The following RAPGEF5 variants were observed in gnomAD, a reference collection of about 807,000 sequenced individuals.
RAPGEF5 encodes Rap guanine nucleotide exchange factor 5.
A neutral mutation model predicts 125.2 loss-of-function variants in RAPGEF5; 65 were observed. The ratio of observed to expected loss-of-function variants is 0.52; its 90% CI spans 0.43 to 0.64. The LOEUF is 0.64. Ranked by LOEUF, RAPGEF5 falls within the 30% of genes least tolerant of loss-of-function variation. The probability of loss-of-function intolerance (pLI) is 0.00; values close to 1 mark genes in which losing one functional copy is unlikely to be tolerated. For synonymous variants in RAPGEF5, 391 were observed against 385.9 expected, an observed-to-expected ratio of 1.01 and a Z score of -0.16; for missense variants, 958 against 1,048.1, an observed-to-expected ratio of 0.91 and a Z score of 1.19.
intron 11 of RAPGEF5, among the ~76,000 whole-genome samples, chr7:22,169,302 T>C (rs1784268374): frequency 6.6e-6 from 1 of 152,240 alleles, no homozygotes; most frequent in African/African-American, 2.4e-5. Flanking sequence ...CAAGTTAACC[T>C]GGCAGCTCAA....
intron 9 of RAPGEF5, among the ~76,000 whole-genome samples, 152 bp from the exon 10 acceptor site, chr7:22,194,185 T>C (rs1785092969): frequency 6.6e-6 from 1 of 152,156 alleles, no homozygotes; most frequent in South Asian, 2.1e-4. Flanking sequence ...AGGAGTCTGG[T>C]CAAAAATCTC....
intron 11 of RAPGEF5, among the ~76,000 whole-genome samples, chr7:22,183,250 CAG>C (rs1282296546): frequency 1.9e-5 from 2 of 104,464 alleles, no homozygotes; most frequent in Non-Finnish European, 3.4e-5. Flanking sequence ...GCCTGGGTAA[CAG>C]AGTGAGACTC....
At chr7:22,264,895 T>C (rs1782244766) in intron 7 of RAPGEF5, among the ~76,000 whole-genome samples, 1 of 152,228 alleles carries the variant, frequency 6.6e-6, no homozygotes, top group Admixed American at 6.5e-5. Context: ...GTACGGACTG[T>C]ACATTTGTCT....
At chr7:22,144,216 G>A (rs762452524) in intron 20 of RAPGEF5, among the ~76,000 whole-genome samples, 8 of 152,274 alleles carry the variant, frequency 5.3e-5, no homozygotes, top group Middle Eastern at 3.4e-3. Context: ...TCTGTACCAC[G>A]CACCCAGGTA....
intron 11 of RAPGEF5, among the ~76,000 whole-genome samples, chr7:22,184,045 T>C (rs188172410): frequency 2.0e-5 from 3 of 152,326 alleles, no homozygotes; most frequent in East Asian, 1.9e-4. Flanking sequence ...AGACTTCCAC[T>C]TGAACTTTCC....
intron 9 of RAPGEF5, among the ~76,000 whole-genome samples, chr7:22,208,406 T>A (rs939577959): frequency 2.6e-5 from 4 of 152,226 alleles, no homozygotes; most frequent in Admixed American, 2.6e-4. Flanking sequence ...TTCACTAGTA[T>A]AACTCTTTCT....
At chr7:22,271,219 G>T (rs1190620306) in intron 6 of RAPGEF5, among the ~76,000 whole-genome samples, 3 of 152,180 alleles carry the variant, frequency 2.0e-5, no homozygotes, top group Non-Finnish European at 4.4e-5. Flanking sequence ...AACTAAATCA[G>T]AATCTCGGGA....
At chr7:22,243,905 C>A (rs192133640) in intron 7 of RAPGEF5, among the ~76,000 whole-genome samples, 11 of 152,122 alleles carry the variant, frequency 7.2e-5, no homozygotes, top group Non-Finnish European at 1.6e-4. Flanking sequence ...AATTTTGTAC[C>A]CTTTGGTCAA....
intron 5 of RAPGEF5, among the ~76,000 whole-genome samples, chr7:22,295,474 C>A (rs1354625778): frequency 6.6e-6 from 1 of 152,096 alleles, no homozygotes; most frequent in Non-Finnish European, 1.5e-5. Context: ...GCCTAGATGT[C>A]CAATTTTTGC....
intron 9 of RAPGEF5, among the ~76,000 whole-genome samples, chr7:22,199,715 T>C (rs1444860231): frequency 6.6e-6 from 1 of 151,770 alleles, no homozygotes; most frequent in African/African-American, 2.4e-5. Flanking sequence ...GGAGGATAAA[T>C]AGCAGCAGAT....
chr7:22,228,625 GGCCTCCCA>G (rs1351199995), intron 8 of RAPGEF5, among the ~76,000 whole-genome samples: 2 of 151,358 alleles, frequency 1.3e-5, no homozygotes, highest in Admixed American at 1.3e-4. Context: ...CTCCTGCTTC[GGCCTCCCA>G]AGTAGCTGGG....
intron 21 of RAPGEF5, 180 bp downstream of exon 21, chr7:22,139,845 T>C (rs1783201087): frequency 1.8e-6 from 1 of 543,686 alleles, no homozygotes. Flanking sequence ...ACGTTACCAT[T>C]TTTATCTAGT....
In RAPGEF5 at chr7:22,153,604, T is replaced by C. The variant is rs184579949; in HGVS notation, c.1786+851A>G. On this transcript the variant is annotated intron_variant, in intron 17 of 25. Transcript: ENST00000665637. ...TACTTTACCCTCAAGTATATTCTGA[T>C]ATTCATCTCCCAACTGCAGAATGAT... is the stretch of plus-strand genomic sequence containing the variant. 6.8e-4 allele frequency among the ~76,000 whole-genome samples: 104 copies of C among 152,276 alleles called. 1 individual carries two copies. Among genetic ancestry groups the C allele is most frequent in the Non-Finnish European group, 5.0e-4 (34 of 68,030 alleles).
intron 1 of RAPGEF5, among the ~76,000 whole-genome samples, chr7:22,349,396 C>T (rs1784287447): frequency 1.4e-5 from 2 of 142,492 alleles, no homozygotes; most frequent in East Asian, 4.2e-4. Context: ...TACATTCCAA[C>T]CTGGGCGATA....
At chr7:22,131,303 G>A (rs1362251022) in intron 23 of RAPGEF5, among the ~76,000 whole-genome samples, 1 of 152,158 alleles carries the variant, frequency 6.6e-6, no homozygotes, top group Admixed American at 6.5e-5. Context: ...GTATATGTGT[G>A]TGTGTAAAAA....
rs191704141 is a variant in RAPGEF5 at position 22,147,054 on chromosome 7, T to C, written c.1885-35A>G. On this transcript the variant is annotated intron_variant, in intron 18 of 25. Coordinates refer to ENST00000665637, the MANE Select transcript of RAPGEF5 (RefSeq NM_012294.5). ...CAGAAGCAAAAAGATCCTCAGTAAT[T>C]CCCAAATGTTTTGCACTGCATTGGC... 1.7e-5 allele frequency: 28 copies of C among 1,606,302 alleles called. No individual in the cohort carries two copies. In the South Asian group the frequency reaches 3.0e-4, roughly 17 times the overall value.
intron 15 of RAPGEF5, among the ~76,000 whole-genome samples, chr7:22,157,283 AGATGG>A: frequency 6.6e-6 from 1 of 152,196 alleles, no homozygotes; most frequent in South Asian, 2.1e-4. Flanking sequence ...AGCAACTTTG[AGATGG>A]TTTCAGTACC....
intron 7 of RAPGEF5, among the ~76,000 whole-genome samples, chr7:22,242,073 G>A (rs557124377): frequency 2.6e-5 from 4 of 152,308 alleles, no homozygotes; most frequent in African/African-American, 9.6e-5. Context: ...AGGGTGACAA[G>A]GCAACAGAAA....
intron 1 of RAPGEF5, among the ~76,000 whole-genome samples, chr7:22,328,054 C>G (rs907901596): frequency 6.6e-6 from 1 of 152,166 alleles, no homozygotes; most frequent in Non-Finnish European, 1.5e-5. Context: ...GTGGGTCTCC[C>G]CTACTAGACC....
Sources: gnomAD v4.1 joint callset for allele counts (sites outside exome capture counted in the v4.1 genomes callset) on GRCh38, gnomAD v4.1.1 for gene constraint, MANE v1.5 for transcripts, NCBI Gene and HGNC (gene_info 2026-07-23, HGNC 2026-07-21) for gene names.